The following LUC7L2 variants were observed in gnomAD, a reference collection of about 807,000 sequenced individuals.
LUC7L2 encodes the protein putative RNA-binding protein Luc7-like 2.
In LUC7L2, 25 loss-of-function variants were observed where a neutral mutation model predicts 52.8. That is an observed-to-expected ratio of 0.47 (90% CI 0.34 to 0.66). LUC7L2 has a LOEUF of 0.66. Ranked by LOEUF, LUC7L2 falls within the 30% of genes least tolerant of loss-of-function variation. The pLI, the probability that LUC7L2 is intolerant of heterozygous loss-of-function variation, is 0.01. For synonymous variants in LUC7L2, 144 were observed against 160.9 expected (o/e 0.89, Z 0.80); for missense variants, 328 against 497.8 (o/e 0.66, Z 3.25).
At chr7:139,373,682 C>G (rs1182949530) in intron 1 of LUC7L2, among the ~76,000 whole-genome samples, 1 of 138,666 alleles carries the variant, frequency 7.2e-6, no homozygotes, top group Non-Finnish European at 1.5e-5. Context: ...TAACTGATAG[C>G]TGTGTCTTCA....
At chr7:139,405,935 T>TA (rs1436876295) in intron 5 of LUC7L2, 148 bp downstream of exon 5, 132 of 1,278,442 alleles carry the variant, frequency 1.0e-4, no homozygotes, top group Non-Finnish European at 1.3e-4. Flanking sequence ...GAAGTTGAAC[T>TA]AAAAGACAAA....
intron 2 of LUC7L2, among the ~76,000 whole-genome samples, chr7:139,392,929 T>C (rs903705998): frequency 2.6e-5 from 4 of 151,952 alleles, no homozygotes; most frequent in African/African-American, 7.2e-5. Context: ...GCTGGAATTA[T>C]AGGCGTGAGC....
At chr7:139,347,183 T>C (rs1799296607) in intron 1 of LUC7L2, among the ~76,000 whole-genome samples, 1 of 152,242 alleles carries the variant, frequency 6.6e-6, no homozygotes, top group Non-Finnish European at 1.5e-5. Context: ...CATTCATCTT[T>C]GCAGTTTCCA....
chr7:139,420,307 G>A lies in LUC7L2; in HGVS notation c.1002-1856G>A, dbSNP rs556282130. Among the ~76,000 whole-genome samples the A allele has an allele frequency of 5.3e-5, 8 of 152,146 alleles. No homozygotes were observed. In the East Asian group the frequency reaches 7.7e-4, roughly 15 times the overall value. ...CAACCTCTGCCTTGCGGGTTCAAGC[G>A]ATTCTTTTGCCTCGGCCTCCCAAGT... On this transcript the variant is annotated intron_variant, in intron 9 of 9. Coordinates refer to ENST00000354926, the MANE Select transcript of LUC7L2 (RefSeq NM_016019.5).
At chr7:139,354,035 G>GA (rs1799537120) in intron 1 of LUC7L2, among the ~76,000 whole-genome samples, 2 of 151,398 alleles carry the variant, frequency 1.3e-5, no homozygotes, top group Non-Finnish European at 2.9e-5. Context: ...AGAATTACTT[G>GA]AACCTGGCAG....
intron 2 of LUC7L2, among the ~76,000 whole-genome samples, chr7:139,388,492 T>C (rs1188832242): frequency 6.6e-6 from 1 of 151,962 alleles, no homozygotes; most frequent in Admixed American, 6.6e-5. Context: ...TAAGGTATAC[T>C]TGTTAACATG....
intron 2 of LUC7L2, among the ~76,000 whole-genome samples, chr7:139,390,472 A>G (rs1398548816): frequency 6.7e-6 from 1 of 150,126 alleles, no homozygotes; most frequent in Non-Finnish European, 1.5e-5. Flanking sequence ...CAAGTGATCC[A>G]CCTGCCTCGG....
In LUC7L2 at chr7:139,408,673, C is replaced by T. The variant is rs562203684; in HGVS notation, c.688-890C>T. On this transcript the variant is annotated intron_variant, in intron 6 of 9. Transcript: ENST00000354926. ...TCTGGCCAATATGGTGAAATCCTGTCTCTACTAAAAATATAAAAATTAGCT... is the reference window on the plus strand; with the variant it reads ...TCTGGCCAATATGGTGAAATCCTGTTTCTACTAAAAATATAAAAATTAGCT... 2.4e-4 allele frequency among the ~76,000 whole-genome samples: 37 copies of T among 151,990 alleles called. No individual in the cohort carries two copies. The South Asian group carries it at 4.6e-3, about 19-fold the overall frequency.
At chr7:139,399,562 C>T (rs1233075125) in intron 3 of LUC7L2, among the ~76,000 whole-genome samples, 1 of 145,278 alleles carries the variant, frequency 6.9e-6, no homozygotes, top group Non-Finnish European at 1.5e-5. Flanking sequence ...CTCTGCCTCC[C>T]GGGTTCATGC....
At chr7:139,418,960 C>T (rs1795753884) in intron 9 of LUC7L2, among the ~76,000 whole-genome samples, 1 of 151,860 alleles carries the variant, frequency 6.6e-6, no homozygotes, top group Non-Finnish European at 1.5e-5. Context: ...AAAATACAAA[C>T]ATTAGCCGGG....
At chr7:139,378,021 T>C (rs972085196) in intron 2 of LUC7L2, among the ~76,000 whole-genome samples, 28 of 151,670 alleles carry the variant, frequency 1.8e-4, no homozygotes, top group Middle Eastern at 3.2e-3. Context: ...TCTCACCATG[T>C]TACCCAGGCT....
chr7:139,390,925 C>T (rs1362071633), intron 2 of LUC7L2, among the ~76,000 whole-genome samples: 2 of 152,202 alleles, frequency 1.3e-5, no homozygotes, highest in Non-Finnish European at 2.9e-5. Flanking sequence ...ATACATCACC[C>T]TCCTTCTCAG....
At chr7:139,412,715 C>G (rs1795415155) in intron 8 of LUC7L2, 135 bp downstream of exon 8, 2 of 1,071,722 alleles carry the variant, frequency 1.9e-6, no homozygotes, top group Non-Finnish European at 2.6e-6. Context: ...GTAATCCCAG[C>G]TACTCAAGAG....
Position 139,422,825 on chromosome 7 carries a change from A to G in LUC7L2, c.*485A>G. The stretch of plus-strand genomic sequence containing the variant: ...TTCTAAGGCTGTATTCCCGTTATGA[A>G]TTACTAGCTGATTACAGTTCAGAGC... On this transcript the variant is annotated 3_prime_UTR_variant, in exon 10 of 10. Transcript: ENST00000354926. 2.5e-6 allele frequency: 1 copy of G among 399,334 alleles called. No homozygotes were observed. Among genetic ancestry groups the G allele is most frequent in the Non-Finnish European group, 4.4e-6 (1 of 226,294 alleles). 24.7% of individuals were successfully genotyped at this position (399,334 alleles called of 1,614,324 possible).
At chr7:139,356,313 T>TAA (rs1799602115), upstream of LUC7L2, among the ~76,000 whole-genome samples, 2 of 35,016 alleles carry the variant, frequency 5.7e-5, 1 homozygote, top group East Asian at 2.2e-3. Flanking sequence ...AGACCCTATC[T>TAA]CAAAAAAAAA....
chr7:139,377,516 C>G (rs1800777720), intron 2 of LUC7L2, among the ~76,000 whole-genome samples: 2 of 152,200 alleles, frequency 1.3e-5, no homozygotes, highest in South Asian at 4.1e-4. Flanking sequence ...GCCTCAGCCT[C>G]CCAACTAGCT....
chr7:139,390,792 G>T, intron 2 of LUC7L2, among the ~76,000 whole-genome samples: 1 of 152,072 alleles, frequency 6.6e-6, no homozygotes, highest in Admixed American at 6.6e-5. Flanking sequence ...TCCTGACCTC[G>T]TGATTCGCCC....
At chr7:139,379,549 C>CTTTTTTTTTTTTT (rs539771697) in intron 2 of LUC7L2, among the ~76,000 whole-genome samples, 1 of 52,722 alleles carries the variant, frequency 1.9e-5, no homozygotes, top group Non-Finnish European at 3.2e-5. Flanking sequence ...ATAACTAATG[C>CTTTTTTTTTTTTT]TTTTTTTTTT....
rs569601091 is a variant in LUC7L2, at chr7:139,348,338, A to G, written c.-26+7821A>G. ...TAGGCATGAGCCACCATGTCTGGCC[A>G]TTATTTTTCAAGAAGAGATTTGAGG... On this transcript the variant is annotated intron_variant, in intron 1 of 10. Transcript: ENST00000541170. 9.2e-5 allele frequency among the ~76,000 whole-genome samples: 14 copies of G among 152,012 alleles called. No homozygotes were observed. In the South Asian group the frequency reaches 2.5e-3, roughly 27 times the overall value.
Sources: gnomAD v4.1 joint callset for allele counts (sites outside exome capture counted in the v4.1 genomes callset) on GRCh38, gnomAD v4.1.1 for gene constraint, MANE v1.5 for transcripts, NCBI Gene and HGNC (gene_info 2026-07-23, HGNC 2026-07-21) for gene names.